The following FSTL4 variants were observed in gnomAD, a reference collection of about 807,000 sequenced individuals.
FSTL4 encodes follistatin like 4, also known as follistatin-related protein 4.
FSTL4 carries 28 observed loss-of-function variants against 78.2 expected under a neutral mutation model. That is an observed-to-expected ratio of 0.36 (90% confidence interval 0.27 to 0.49). FSTL4 has a LOEUF of 0.49. Among genes scored for constraint, FSTL4 ranks in the 20% least tolerant of loss-of-function variants. The probability of loss-of-function intolerance (pLI) is 0.98; values close to 1 mark genes in which losing one functional copy is unlikely to be tolerated. For synonymous variants in FSTL4, 422 were observed against 440.5 expected (o/e 0.96, Z 0.53); for missense variants, 922 against 1,084.9 (o/e 0.85, Z 2.11).
At chr5:133,470,792 AAAATAAAAT>A (rs1757810783) in intron 3 of FSTL4, among the ~76,000 whole-genome samples, 1 of 143,062 alleles carries the variant, frequency 7.0e-6, no homozygotes, top group Non-Finnish European at 1.6e-5. Context: ...AAAATAAAAT[AAAATAAAAT>A]AAAAATAAAT....
chr5:133,559,664 G>A (rs1175214341), intron 3 of FSTL4, among the ~76,000 whole-genome samples: 3 of 152,196 alleles, frequency 2.0e-5, no homozygotes, highest in East Asian at 3.9e-4. Flanking sequence ...TAAGGAGACC[G>A]CTAGGCAAGC....
At position 133,406,573 on chromosome 5, in the gene FSTL4, G is replaced by A. The variant is rs76579151; in HGVS notation, c.161-5587C>T. The stretch of plus-strand genomic sequence containing the variant: ...CACACTCCTAGATGCCCTGGATGCC[G>A]GGGCTGCGTCAGGTCCACCTCCACC... On this transcript the variant is annotated intron_variant, in intron 3 of 15. Coordinates refer to ENST00000265342, the MANE Select transcript of FSTL4 (RefSeq NM_015082.2). Among the ~76,000 whole-genome samples, 686 of 152,306 alleles carry A rather than the reference G, an allele frequency of 4.5e-3. 6 individuals are homozygous for A. Among genetic ancestry groups the A allele is most frequent in the African/African-American group, 0.016 (649 of 41,562 alleles).
At chr5:133,623,088 T>C in the FSTL4 span, among the ~76,000 whole-genome samples, 3 of 147,488 alleles carry the variant, frequency 2.0e-5, no homozygotes, top group Admixed American at 1.3e-4. Context: ...TAGGATGAGG[T>C]CTTTTTTTTT....
chr5:133,771,059 T>C, the FSTL4 span, among the ~76,000 whole-genome samples: 1,333 of 152,272 alleles, frequency 8.8e-3, 19 homozygotes, highest in African/African-American at 0.03. Context: ...TTCTAGGCTT[T>C]TTATTCTGTT....
chr5:133,840,281 T>C, the FSTL4 span, among the ~76,000 whole-genome samples: 1 of 152,252 alleles, frequency 6.6e-6, no homozygotes, highest in South Asian at 2.1e-4. Context: ...TTATAATTTC[T>C]TTGGGGAATC....
chr5:133,735,777 C>G, the FSTL4 span, among the ~76,000 whole-genome samples: 4 of 152,150 alleles, frequency 2.6e-5, no homozygotes, highest in African/African-American at 9.7e-5. Context: ...TGTTATGACC[C>G]CTCCATTTGT....
Position 133,486,303 on chromosome 5 carries a change from G to C in FSTL4, c.160+80883C>G, listed in dbSNP as rs554525264. Among the ~76,000 whole-genome samples, 22 of 151,756 alleles carry C rather than the reference G, an allele frequency of 1.4e-4. No individual in the cohort carries two copies. The South Asian group carries it at 4.2e-3, about 29-fold the overall frequency. On this transcript the variant is annotated intron_variant, in intron 3 of 15. Transcript: ENST00000265342. Reference sequence around the variant, plus strand: ...AGAGACCAAGAGAGGGCAAGGAAGAGAGATACACAGAGACAGTGAGAGACT... The same window carrying C: ...AGAGACCAAGAGAGGGCAAGGAAGACAGATACACAGAGACAGTGAGAGACT...
chr5:133,839,513 T>C, the FSTL4 span, among the ~76,000 whole-genome samples: 1 of 150,516 alleles, frequency 6.6e-6, no homozygotes, highest in African/African-American at 2.4e-5. Flanking sequence ...TGAATTTATT[T>C]AATGACAGAA....
chr5:133,647,151 C>T, the FSTL4 span, among the ~76,000 whole-genome samples: 92 of 152,248 alleles, frequency 6.0e-4, no homozygotes, highest in African/African-American at 2.1e-3. Flanking sequence ...CACCACACCG[C>T]ACCCAGCTCT....
chr5:133,687,211 TA>T, the FSTL4 span, among the ~76,000 whole-genome samples: 3 of 131,544 alleles, frequency 2.3e-5, no homozygotes, highest in African/African-American at 8.2e-5. Flanking sequence ...AGAGGCTAAA[TA>T]GGGGGGGCAT....
intron 8 of FSTL4, among the ~76,000 whole-genome samples, chr5:133,228,849 G>GAGAGGCAATACC (rs572851280): frequency 1.3e-5 from 2 of 152,322 alleles, no homozygotes; most frequent in South Asian, 4.1e-4. Context: ...GACAAAGGAA[G>GAGAGGCAATACC]AGAGGCAATA....
At chr5:133,659,720 T>C in the FSTL4 span, among the ~76,000 whole-genome samples, 4 of 151,956 alleles carry the variant, frequency 2.6e-5, no homozygotes, top group Admixed American at 2.0e-4. Flanking sequence ...ATTAAATAGA[T>C]GGGATTTTCT....
rs1761101663 is a variant in FSTL4, at chr5:133,611,858, A to C, written c.-11+467T>G. ...CTGAGAATGCCTGCCCGGCGCCCCAACCCGGAGCCAAGGGCACCGGGCCCG... is the reference window on the plus strand; with the variant it reads ...CTGAGAATGCCTGCCCGGCGCCCCACCCCGGAGCCAAGGGCACCGGGCCCG... On this transcript the variant is annotated intron_variant, in intron 1 of 15. Transcript: ENST00000265342. This position sits in a 1 kb window ranked among gnomAD's most constrained non-coding sequence, Gnocchi z 4.9. Among the ~76,000 whole-genome samples the C allele has an allele frequency of 6.6e-6, 1 of 151,784 alleles. No individual in the cohort carries two copies. Among genetic ancestry groups the C allele is most frequent in the African/African-American group, 2.4e-5 (1 of 41,322 alleles).
intron 6 of FSTL4, among the ~76,000 whole-genome samples, chr5:133,275,361 A>C (rs1194504503): frequency 6.6e-6 from 1 of 152,158 alleles, no homozygotes; most frequent in African/African-American, 2.4e-5. Context: ...GGAGTTCGAG[A>C]CCAGCCTGAC....
chr5:133,337,214 G>C (rs569549754), intron 4 of FSTL4, among the ~76,000 whole-genome samples: 1 of 152,222 alleles, frequency 6.6e-6, no homozygotes, highest in Non-Finnish European at 1.5e-5. Flanking sequence ...GCACCAGGAT[G>C]ATGAGGCAAA....
the FSTL4 span, among the ~76,000 whole-genome samples, chr5:133,796,087 A>C: frequency 6.4e-4 from 97 of 152,124 alleles, no homozygotes; most frequent in Non-Finnish European, 1.9e-4. Context: ...TGTGCTCCTT[A>C]TACAGCTGTC....
At chr5:133,221,391 T>G (rs993148270) in intron 11 of FSTL4, among the ~76,000 whole-genome samples, 10 of 152,088 alleles carry the variant, frequency 6.6e-5, no homozygotes, top group African/African-American at 2.2e-4. Context: ...AGCTTGCTCT[T>G]ACTTCTGTTC....
the FSTL4 span, among the ~76,000 whole-genome samples, chr5:133,764,062 G>A: frequency 1.3e-5 from 2 of 152,358 alleles, no homozygotes; most frequent in Non-Finnish European, 2.9e-5. Flanking sequence ...AGAGGTAACT[G>A]TTCAGAGAGT....
chr5:133,223,258 T>C (rs1410100662), intron 11 of FSTL4, among the ~76,000 whole-genome samples: 1 of 152,238 alleles, frequency 6.6e-6, no homozygotes, highest in Non-Finnish European at 1.5e-5. Flanking sequence ...GGGCTCTGCC[T>C]TTGTTTTGTT....
Sources: allele counts gnomAD v4.1 joint callset (sites outside exome capture counted in the v4.1 genomes callset), GRCh38; gene constraint gnomAD v4.1.1; non-coding constraint Gnocchi (gnomAD v3.1); transcripts MANE v1.5; gene names NCBI Gene and HGNC (gene_info 2026-07-23, HGNC 2026-07-21).